The following APC variants were observed in gnomAD, a reference collection of about 807,000 sequenced individuals.
APC encodes adenomatous polyposis coli protein.
Under a neutral mutation model 247.0 loss-of-function variants are expected in APC, and 72 were observed. The ratio of observed to expected loss-of-function variants is 0.29; its 90% confidence interval spans 0.24 to 0.35. The LOEUF is 0.35. Among genes scored for constraint, APC ranks in the 10% least tolerant of loss-of-function variants. The pLI is 1.00. For synonymous variants in APC, 1,254 were observed against 1,162.5 expected (o/e 1.08, Z -1.60); for missense variants, 3,400 against 3,360.7 (o/e 1.01, Z -0.29).
intron 1 of APC, among the ~76,000 whole-genome samples, chr5:112,727,567 A>G (rs192239164): frequency 1.3e-5 from 2 of 152,294 alleles, no homozygotes; most frequent in East Asian, 1.9e-4. Flanking sequence ...CAATTATGAT[A>G]TATTTTCAGG....
chr5:112,830,309 A>T (rs1361269803), intron 14 of APC, among the ~76,000 whole-genome samples: 1 of 151,032 alleles, frequency 6.6e-6, no homozygotes, highest in East Asian at 2.0e-4. Flanking sequence ...CCTTGAAAAG[A>T]TACTTAATAT....
intron 8 of APC, among the ~76,000 whole-genome samples, chr5:112,805,600 C>T (rs1314792422): frequency 6.6e-6 from 1 of 152,166 alleles, no homozygotes; most frequent in East Asian, 1.9e-4. Context: ...AGATGTGTGA[C>T]CTGTATCTGT....
chr5:112,785,746 CAAT>C (rs1758866272), intron 6 of APC, among the ~76,000 whole-genome samples: 1 of 152,058 alleles, frequency 6.6e-6, no homozygotes, highest in Non-Finnish European at 1.5e-5. Flanking sequence ...ATAAATTACT[CAAT>C]AAATTATATA....
At position 112,764,234 on chromosome 5, in the gene APC, A is replaced by C. The variant is rs1756008914; in HGVS notation, c.136-2092A>C. On this transcript the variant is annotated intron_variant, in intron 2 of 15. Coordinates refer to ENST00000257430, the MANE Select transcript of APC (RefSeq NM_000038.6). ...GCTCTCCAGCCTGGGCGACAGAGCG[A>C]GACTCCGTCTCAAAAAAAAAAAAAA... Among the ~76,000 whole-genome samples the C allele has an allele frequency of 2.2e-5, 3 of 138,746 alleles. No homozygotes were observed. In the South Asian group the frequency reaches 7.6e-4, roughly 35 times the overall value. 91.0% of individuals were successfully genotyped at this position (138,746 alleles called of 152,430 possible). A position where few individuals can be genotyped will look rare whatever the true frequency, so the allele number is the denominator to read the frequency against.
chr5:112,813,923 C>G (rs1762230374), intron 8 of APC, among the ~76,000 whole-genome samples: 1 of 152,076 alleles, frequency 6.6e-6, no homozygotes, highest in Admixed American at 6.6e-5. Context: ...TTCTCTTTAC[C>G]TTCTTCAATT....
Position 112,840,734 on chromosome 5 carries a change from G to A in APC, c.5140G>A (p.Asp1714Asn), listed in dbSNP as rs148275069. Residue 1714 changes from aspartate (D) to asparagine (N), a missense_variant, in exon 16 of 16, where the codon GAT (aspartate) becomes AAT (asparagine). By Grantham distance (23) the Asp-to-Asn change is conservative. This residue lies in a region of APC where 1,788 missense variants were observed against 1,649.5 expected (regional missense o/e 1.08). Transcript: ENST00000257430. This position sits in a 1 kb window ranked among gnomAD's most constrained non-coding sequence, Gnocchi z 4.1. Reference sequence around the variant, plus strand: ...CTCATCTGTAACCATACCTGAATTGGATGACAATAAAGCAGAGGAAGGTGA... The same window carrying A: ...CTCATCTGTAACCATACCTGAATTGAATGACAATAAAGCAGAGGAAGGTGA... ...KTSSVTIPEL[D>N]DNKAEEGDIL... 431 of 1,614,138 alleles carry A rather than the reference G, an allele frequency of 2.7e-4. 1 individual carries two copies. The highest frequency in any genetic ancestry group is 3.4e-4 in the Non-Finnish European group (404 of 1,180,004).
chr5:112,810,790 A>G (rs1000915816), intron 8 of APC, among the ~76,000 whole-genome samples: 8 of 152,168 alleles, frequency 5.3e-5, no homozygotes, highest in South Asian at 4.1e-4. Flanking sequence ...AGTCATTTCA[A>G]GGAAGCAGTA....
chr5:112,714,725 T>G (rs900721641), intron 1 of APC, among the ~76,000 whole-genome samples: 1 of 152,226 alleles, frequency 6.6e-6, no homozygotes, highest in Non-Finnish European at 1.5e-5. Flanking sequence ...CCTAAACATC[T>G]ATCCCTAAAA....
chr5:112,801,562 C>G (rs536860100), intron 8 of APC, among the ~76,000 whole-genome samples, 179 bp downstream of exon 8: 1 of 152,086 alleles, frequency 6.6e-6, no homozygotes, highest in African/African-American at 2.4e-5. Flanking sequence ...AGCAATAATG[C>G]TGTAAGGATT....
chr5:112,755,156 C>G lies in APC; in HGVS notation c.135+131C>G, dbSNP rs1324778654. On this transcript the variant is annotated intron_variant, in intron 2 of 15. Transcript: ENST00000257430. ...GCAATAATATGTAAACTCTTTCTTG[C>G]AAAAGTTAGCATTTATATTTTTAAA... 1.0e-5 allele frequency: 13 copies of G among 1,264,828 alleles called. No individual in the cohort carries two copies. In the South Asian group the frequency reaches 1.6e-4, roughly 16 times the overall value. The allele number at this position is 1,264,828 out of a possible 1,614,324, so 78.4% of individuals were successfully genotyped here.
At chr5:112,773,241 C>G (rs1028196492) in intron 4 of APC, among the ~76,000 whole-genome samples, 2 of 152,150 alleles carry the variant, frequency 1.3e-5, no homozygotes, top group Non-Finnish European at 2.9e-5. Flanking sequence ...TCCACATACT[C>G]ACTACTAAGA....
rs988039528 is a variant in APC at position 112,844,587 on chromosome 5, G to C, written c.*461G>C. 1 of 235,676 alleles carries C rather than the reference G, an allele frequency of 4.2e-6. No homozygotes were observed. Among genetic ancestry groups the C allele is most frequent in the Non-Finnish European group, 8.4e-6 (1 of 119,678 alleles). 14.6% of individuals were successfully genotyped at this position (235,676 alleles called of 1,614,324 possible). ...ATCTAACATCATAATTAATCATGTG[G>C]CTGTGAAATTCACAGTAATATGGTT... On this transcript the variant is annotated 3_prime_UTR_variant, in exon 16 of 16. Transcript: ENST00000257430.
chr5:112,741,898 A>G (rs1312581941), intron 1 of APC, among the ~76,000 whole-genome samples: 1 of 152,014 alleles, frequency 6.6e-6, no homozygotes, highest in East Asian at 1.9e-4. Context: ...CACCTGGCTT[A>G]TTTCACTTAG....
chr5:112,831,426 C>G (rs1764289503), intron 14 of APC, among the ~76,000 whole-genome samples: 1 of 152,178 alleles, frequency 6.6e-6, no homozygotes, highest in Non-Finnish European at 1.5e-5. Context: ...AACTAGCTGT[C>G]AGAAATTTAT....
In APC at chr5:112,837,929, T is replaced by C. The variant is rs369138788; in HGVS notation, c.2335T>C (p.Leu779=). 2 of 1,613,944 alleles carry C rather than the reference T, an allele frequency of 1.2e-6. No individual in the cohort carries two copies. Among genetic ancestry groups the C allele is most frequent in the African/African-American group, 2.7e-5 (2 of 74,910 alleles). Residue 779 remains leucine (L), a synonymous_variant, in exon 16 of 16, where the codon TTA becomes CTA. Coordinates refer to ENST00000257430, the MANE Select transcript of APC (RefSeq NM_000038.6). ...LSETFDNIDN[L]SPKASHRSKQ... is the part of the protein sequence containing the mutation. ...AGAAACTTTTGACAATATAGACAAT[T>C]TAAGTCCCAAGGCATCTCATCGTAG...
At chr5:112,726,014 G>T (rs894964657) in intron 1 of APC, among the ~76,000 whole-genome samples, 2 of 152,124 alleles carry the variant, frequency 1.3e-5, no homozygotes, top group Non-Finnish European at 2.9e-5. Flanking sequence ...TGGCTCATCT[G>T]TTCAGGCCAC....
intron 6 of APC, among the ~76,000 whole-genome samples, chr5:112,791,645 C>T (rs1759608870): frequency 6.6e-6 from 1 of 152,164 alleles, no homozygotes; most frequent in African/African-American, 2.4e-5. Context: ...AAACCAGTCC[C>T]TGGTGCCAAA....
At position 112,844,301 on chromosome 5, in the gene APC, T is replaced by A; in HGVS notation, c.*175T>A. The stretch of plus-strand genomic sequence containing the variant: ...ATAGTATACTTTGTCTTCACTGGTC[T>A]TATTTTGGGAGGCACTCTTGATGGT... On this transcript the variant is annotated 3_prime_UTR_variant, in exon 16 of 16. Coordinates refer to ENST00000257430, the MANE Select transcript of APC (RefSeq NM_000038.6). 1.6e-6 allele frequency: 1 copy of A among 636,368 alleles called. No individual in the cohort carries two copies. The highest frequency in any genetic ancestry group is 2.6e-6 in the Non-Finnish European group (1 of 380,248). The allele number at this position is 636,368 out of a possible 1,614,324, so 39.4% of individuals were successfully genotyped here.
chr5:112,731,331 G>A (rs1364221231), intron 1 of APC, among the ~76,000 whole-genome samples: 2 of 152,168 alleles, frequency 1.3e-5, no homozygotes, highest in Admixed American at 1.3e-4. Context: ...ATAATGAACA[G>A]AAATTTATTG....
Sources: gnomAD v4.1 joint callset for allele counts (sites outside exome capture counted in the v4.1 genomes callset) on GRCh38, gnomAD v4.1.1 for gene constraint, gnomAD v4.1.1 regional missense constraint, Gnocchi (gnomAD v3.1) non-coding constraint, MANE v1.5 for transcripts, NCBI Gene and HGNC (gene_info 2026-07-23, HGNC 2026-07-21) for gene names.